Variants in IDE observed in about 807,000 individuals in gnomAD.
IDE encodes the protein insulin degrading enzyme.
Under a neutral mutation model 133.2 loss-of-function variants are expected in IDE, and 58 were observed. The observed-to-expected ratio is 0.44, with a 90% confidence interval of 0.35 to 0.54. IDE has a LOEUF of 0.54. Ranked by LOEUF, IDE falls within the 20% of genes least tolerant of loss-of-function variation. The pLI, the probability that IDE is intolerant of heterozygous loss-of-function variation, is 0.00. For missense variants in IDE, 981 were observed against 1,234.0 expected (o/e 0.79, Z 3.07); for synonymous variants, 396 against 421.3 (o/e 0.94, Z 0.73).
chr10:92,462,424 C>T (rs896743400), intron 21 of IDE, among the ~76,000 whole-genome samples: 2 of 151,740 alleles, frequency 1.3e-5, no homozygotes, highest in African/African-American at 4.8e-5. Context: ...AGTTCGAGAC[C>T]ACCCTGACCA....
intron 11 of IDE, among the ~76,000 whole-genome samples, chr10:92,503,609 C>T (rs1200404340): frequency 1.3e-5 from 2 of 151,922 alleles, no homozygotes; most frequent in African/African-American, 4.8e-5. Context: ...CAGTATAGTG[C>T]AAGTCATATA....
intron 11 of IDE, among the ~76,000 whole-genome samples, chr10:92,501,518 A>G (rs1450105121): frequency 6.6e-6 from 1 of 151,264 alleles, no homozygotes; most frequent in Non-Finnish European, 1.5e-5. Flanking sequence ...AAAAATACAA[A>G]AATTAGCTGG....
At chr10:92,524,976 C>T (rs1005871209) in intron 4 of IDE, among the ~76,000 whole-genome samples, 1 of 149,176 alleles carries the variant, frequency 6.7e-6, no homozygotes, top group Non-Finnish European at 1.5e-5. Context: ...TGATACATCA[C>T]AGGGTCAGGT....
intron 1 of IDE, among the ~76,000 whole-genome samples, chr10:92,568,824 A>AAG (rs1564689023): frequency 6.7e-6 from 1 of 149,152 alleles, no homozygotes; most frequent in African/African-American, 2.5e-5. Context: ...TCAAAAAAAA[A>AAG]AATAATAATA....
intron 1 of IDE, among the ~76,000 whole-genome samples, chr10:92,566,411 TCTCA>T (rs1053807099): frequency 6.3e-5 from 9 of 143,056 alleles, no homozygotes; most frequent in Non-Finnish European, 9.1e-5. Context: ...TCTCTCTCTC[TCTCA>T]CACACACACA....
chr10:92,551,499 C>G (rs905300524), intron 1 of IDE, among the ~76,000 whole-genome samples: 2 of 144,068 alleles, frequency 1.4e-5, no homozygotes, highest in Non-Finnish European at 3.0e-5. Context: ...ACCCGGGAGG[C>G]AGAGGTTGCA....
intron 11 of IDE, 129 bp from the exon 12 acceptor site, chr10:92,490,724 C>A: frequency 1.6e-6 from 1 of 636,084 alleles, no homozygotes; most frequent in Non-Finnish European, 2.8e-6. Flanking sequence ...CCCAGCAAAT[C>A]CTGTAAGGCT....
chr10:92,534,322 C>G (rs74151643), intron 3 of IDE, among the ~76,000 whole-genome samples: 4,073 of 152,266 alleles, frequency 0.027, 199 homozygotes, highest in African/African-American at 0.09. Context: ...GTCCTCATCA[C>G]ATGCTTTATA....
chr10:92,477,065 TG>T (rs1229461685), intron 15 of IDE, among the ~76,000 whole-genome samples: 1 of 151,874 alleles, frequency 6.6e-6, no homozygotes, highest in Non-Finnish European at 1.5e-5. Context: ...CTTGCTTATT[TG>T]GTAAGTTCTG....
At chr10:92,492,321 A>G (rs994285267) in intron 11 of IDE, among the ~76,000 whole-genome samples, 5 of 152,130 alleles carry the variant, frequency 3.3e-5, no homozygotes, top group Non-Finnish European at 7.4e-5. Flanking sequence ...GTGATGTCAA[A>G]AGATAAGTGA....
intron 11 of IDE, among the ~76,000 whole-genome samples, chr10:92,494,524 T>C (rs1487709643): frequency 6.6e-6 from 1 of 152,074 alleles, no homozygotes; most frequent in Non-Finnish European, 1.5e-5. Flanking sequence ...AGTGGGTCAC[T>C]TAAGCCCTTG....
At chr10:92,539,747 A>G (rs534984918) in intron 1 of IDE, among the ~76,000 whole-genome samples, 18 of 151,450 alleles carry the variant, frequency 1.2e-4, no homozygotes, top group Middle Eastern at 3.4e-3. Flanking sequence ...CTGGCGACAG[A>G]GTGAGATCCT....
chr10:92,558,686 A>G (rs1843127703), intron 1 of IDE: 1 of 151,912 alleles, frequency 6.6e-6, no homozygotes, highest in Admixed American at 6.6e-5. Flanking sequence ...CCTCTGCCTC[A>G]AGGGTTCAAG....
intron 18 of IDE, 23 bp downstream of exon 18, chr10:92,470,231 T>C (rs1845893524): frequency 1.3e-5 from 19 of 1,499,076 alleles, no homozygotes; most frequent in Admixed American, 1.9e-5. Context: ...CCACAAAAGA[T>C]TGCTAAAACC....
At chr10:92,556,179 CAAAA>C (rs60008680) in intron 1 of IDE, among the ~76,000 whole-genome samples, 2 of 69,210 alleles carry the variant, frequency 2.9e-5, no homozygotes, top group African/African-American at 5.8e-5. Flanking sequence ...GACTCCGTCT[CAAAA>C]AAAAAAAAAA....
At chr10:92,482,941 C>G (rs1400474920) in intron 14 of IDE, among the ~76,000 whole-genome samples, 1 of 151,950 alleles carries the variant, frequency 6.6e-6, no homozygotes, top group Non-Finnish European at 1.5e-5. Flanking sequence ...CCACCATGCC[C>G]GGCTAATTTT....
intron 11 of IDE, among the ~76,000 whole-genome samples, chr10:92,502,437 C>G (rs138285555): frequency 0.018 from 2,709 of 152,054 alleles, 40 homozygotes; most frequent in South Asian, 0.051. Flanking sequence ...TTTTAATTTT[C>G]TATTTTTTTG....
At chr10:92,536,102 G>A (rs1213657146) in intron 2 of IDE, among the ~76,000 whole-genome samples, 1 of 152,078 alleles carries the variant, frequency 6.6e-6, no homozygotes. Flanking sequence ...TGTGCCCATG[G>A]CAGGGCATGG....
At position 92,456,401 on chromosome 10, in the gene IDE, G is replaced by A. The variant is rs1490598343; in HGVS notation, c.2854C>T (p.His952Tyr). The stretch of plus-strand genomic sequence containing the variant: ...GCAAGAACATGGACGGATACCTTAT[G>A]TCTCCTTGGAGCATCTACTGCCAAC... The part of the protein sequence containing the change: ...EMLAVDAPRR[H>Y]KVSVHVLARE... The change falls in exon 23 of 25, where the codon CAT (histidine) becomes TAT (tyrosine). Residue 952 changes from histidine (H) to tyrosine (Y), a missense_variant. Transcript: ENST00000265986. The A allele has an allele frequency of 6.2e-7, 1 of 1,613,762 alleles. No homozygotes were observed. Among genetic ancestry groups the A allele is most frequent in the Non-Finnish European group, 8.5e-7 (1 of 1,179,770 alleles).
Sources: allele counts gnomAD v4.1 joint callset (sites outside exome capture counted in the v4.1 genomes callset), GRCh38; gene constraint gnomAD v4.1.1; transcripts MANE v1.5; gene names NCBI Gene and HGNC (gene_info 2026-07-23, HGNC 2026-07-21).